The following THRB variants were observed in gnomAD, a reference collection of about 807,000 sequenced individuals.
THRB encodes the protein nuclear receptor subfamily 1 group A member 2.
A neutral mutation model predicts 47.8 loss-of-function variants in THRB; 12 were observed. The ratio of observed to expected loss-of-function variants is 0.25; its 90% CI spans 0.16 to 0.41. THRB has a LOEUF of 0.41. Ranked by LOEUF, THRB falls within the 10% of genes least tolerant of loss-of-function variation. The pLI, the probability that THRB is intolerant of heterozygous loss-of-function variation, is 1.00. For synonymous variants in THRB, 218 were observed against 212.2 expected (o/e 1.03, Z -0.24); for missense variants, 348 against 589.2 (o/e 0.59, Z 4.24).
At chr3:24,324,235 T>A (rs936137788) in intron 2 of THRB, among the ~76,000 whole-genome samples, 1 of 152,196 alleles carries the variant, frequency 6.6e-6, no homozygotes, top group Non-Finnish European at 1.5e-5. Flanking sequence ...TTGTTAACTT[T>A]ATAGCCTCCT....
intron 3 of THRB, among the ~76,000 whole-genome samples, chr3:24,236,544 C>T (rs1479166130): frequency 2.6e-5 from 4 of 152,086 alleles, no homozygotes; most frequent in Non-Finnish European, 5.9e-5. Context: ...CTTGCCTGGT[C>T]TAACTTTAAG....
intron 5 of THRB, among the ~76,000 whole-genome samples, chr3:24,184,491 A>T (rs1441176333): frequency 2.0e-5 from 3 of 152,156 alleles, no homozygotes; most frequent in African/African-American, 7.2e-5. Flanking sequence ...AATTTCTGAT[A>T]TCTACCTCCC....
Position 24,122,722 on chromosome 3 carries a change from A to C in THRB, c.*162T>G. The C allele has an allele frequency of 3.2e-6, 3 of 944,108 alleles. No individual in the cohort carries two copies. Among genetic ancestry groups the C allele is most frequent in the Non-Finnish European group, 4.9e-6 (3 of 613,442 alleles). The allele number at this position is 944,108 out of a possible 1,614,324, so 58.5% of individuals were successfully genotyped here. A position where few individuals can be genotyped will look rare whatever the true frequency, so the allele number is the denominator to read the frequency against. On this transcript the variant is annotated 3_prime_UTR_variant, in exon 11 of 11. Coordinates refer to ENST00000646209, the MANE Select transcript of THRB (RefSeq NM_001354712.2). ...AAATGCAATAGTTTCAAGTACCCGC[A>C]TTCAAGGGGCAATTTCATCCATGTC...
intron 4 of THRB, among the ~76,000 whole-genome samples, chr3:24,228,111 A>G (rs1455488448): frequency 2.6e-5 from 4 of 152,118 alleles, no homozygotes; most frequent in Non-Finnish European, 4.4e-5. Context: ...AGAGTGGGAG[A>G]TGGCTTCCTT....
At chr3:24,480,931 T>C (rs1696260371) in intron 1 of THRB, among the ~76,000 whole-genome samples, 1 of 152,192 alleles carries the variant, frequency 6.6e-6, no homozygotes, top group African/African-American at 2.4e-5. Context: ...TAAAAAGCGA[T>C]GGAGCTTGAC....
intron 1 of THRB, among the ~76,000 whole-genome samples, chr3:24,375,908 G>A (rs2065254852): frequency 6.6e-6 from 1 of 152,150 alleles, no homozygotes; most frequent in Middle Eastern, 3.4e-3. Flanking sequence ...AAGAAAATAA[G>A]GAGATAATTT....
chr3:24,235,203 G>C (rs2048734072), intron 3 of THRB, among the ~76,000 whole-genome samples: 3 of 152,206 alleles, frequency 2.0e-5, no homozygotes, highest in Non-Finnish European at 4.4e-5. Flanking sequence ...GGCTAGACCA[G>C]TGCCAGAGAG....
intron 1 of THRB, among the ~76,000 whole-genome samples, chr3:24,405,326 C>T (rs1450738487): frequency 2.6e-5 from 4 of 151,916 alleles, no homozygotes; most frequent in African/African-American, 7.2e-5. Flanking sequence ...TACTGTAACA[C>T]AGTCATGACT....
chr3:24,184,668 G>A (rs1211407138), intron 5 of THRB, among the ~76,000 whole-genome samples: 1 of 152,118 alleles, frequency 6.6e-6, no homozygotes, highest in East Asian at 1.9e-4. Context: ...TGCCCACAGT[G>A]GGGAGAGAGC....
intron 1 of THRB, among the ~76,000 whole-genome samples, chr3:24,487,681 T>C (rs1172602633): frequency 6.6e-6 from 1 of 152,140 alleles, no homozygotes; most frequent in African/African-American, 2.4e-5. Context: ...AAGCTGAGCA[T>C]GGGAATCACA....
intron 3 of THRB, among the ~76,000 whole-genome samples, chr3:24,236,120 C>T (rs1235921856): frequency 6.6e-6 from 1 of 152,162 alleles, no homozygotes; most frequent in African/African-American, 2.4e-5. Flanking sequence ...AGTGGAGTTT[C>T]CCCTTCTTTT....
At chr3:24,376,928 T>C (rs1014167660) in intron 1 of THRB, among the ~76,000 whole-genome samples, 3 of 151,566 alleles carry the variant, frequency 2.0e-5, no homozygotes, top group African/African-American at 7.2e-5. Context: ...CTGCCCAAAA[T>C]ATCTGTCTCA....
At chr3:24,442,532 A>T (rs1386149330) in intron 1 of THRB, among the ~76,000 whole-genome samples, 1 of 152,236 alleles carries the variant, frequency 6.6e-6, no homozygotes, top group African/African-American at 2.4e-5. Context: ...AATATTTTAA[A>T]ACTAAGGTCT....
chr3:24,271,389 C>T (rs908718770), intron 3 of THRB, among the ~76,000 whole-genome samples: 9 of 152,070 alleles, frequency 5.9e-5, no homozygotes, highest in East Asian at 1.9e-4. Flanking sequence ...CTAGAATGTC[C>T]GTTCCTGAGT....
At position 24,190,054 on chromosome 3, in the gene THRB, G is replaced by C; in HGVS notation, c.283+20C>G. ...TTCTTGTTGAAACACATGATAATGG[G>C]CTAATAAAAATCTGGTTACCTTTAC... is the stretch of plus-strand genomic sequence containing the variant. On this transcript the variant is annotated intron_variant, in intron 5 of 10. Coordinates refer to ENST00000646209, the MANE Select transcript of THRB (RefSeq NM_001354712.2). 1 of 1,612,772 alleles carries C rather than the reference G, an allele frequency of 6.2e-7. No individual in the cohort carries two copies. The highest frequency in any genetic ancestry group is 8.5e-7 in the Non-Finnish European group (1 of 1,178,828).
chr3:24,277,491 G>T (rs1576483230), intron 3 of THRB, among the ~76,000 whole-genome samples: 1 of 152,158 alleles, frequency 6.6e-6, no homozygotes, highest in Non-Finnish European at 1.5e-5. Context: ...GCAAACCCAA[G>T]AATTTGCATC....
At chr3:24,146,547 G>T in intron 7 of THRB, 128 bp downstream of exon 7, 7 of 1,022,514 alleles carry the variant, frequency 6.8e-6, no homozygotes, top group Non-Finnish European at 7.5e-6. Context: ...GGGTGTATGC[G>T]AAAGTAAGGT....
chr3:24,451,505 G>A (rs1337105539), intron 1 of THRB, among the ~76,000 whole-genome samples: 1 of 152,152 alleles, frequency 6.6e-6, no homozygotes, highest in Non-Finnish European at 1.5e-5. Flanking sequence ...AAAGTTCTGG[G>A]ATTACAGGCG....
At chr3:24,338,176 C>T (rs777609826) in intron 1 of THRB, among the ~76,000 whole-genome samples, 4 of 152,106 alleles carry the variant, frequency 2.6e-5, no homozygotes, top group Non-Finnish European at 4.4e-5. Flanking sequence ...GTCACCTGTG[C>T]TCTAATTTTT....
Sources: allele counts gnomAD v4.1 joint callset (sites outside exome capture counted in the v4.1 genomes callset), GRCh38; gene constraint gnomAD v4.1.1; transcripts MANE v1.5; gene names NCBI Gene and HGNC (gene_info 2026-07-23, HGNC 2026-07-21).